Variants in EMCN observed in about 807,000 individuals in gnomAD.
The protein encoded by EMCN is MUC-14.
In EMCN, 37 loss-of-function variants were observed where a neutral mutation model predicts 38.4. The observed-to-expected ratio is 0.96, with a 90% CI of 0.74 to 1.27. The LOEUF (loss-of-function observed/expected upper bound fraction) is 1.27, where lower values mean the gene tolerates loss of function less well. Among genes scored for constraint, EMCN ranks in the 50% most tolerant of loss-of-function variants. The pLI, the probability that EMCN is intolerant of heterozygous loss-of-function variation, is 0.00. For missense variants in EMCN, 318 were observed against 302.8 expected (o/e 1.05, Z -0.37); for synonymous variants, 95 against 100.8 (o/e 0.94, Z 0.35).
chr4:100,430,822 T>A (rs1327422886), intron 5 of EMCN, among the ~76,000 whole-genome samples: 2 of 152,178 alleles, frequency 1.3e-5, no homozygotes, highest in African/African-American at 2.4e-5. Context: ...TATTTCTTAT[T>A]CCATAATTGA....
intron 10 of EMCN, among the ~76,000 whole-genome samples, chr4:100,412,738 C>G (rs1037989005): frequency 6.6e-6 from 1 of 152,158 alleles, no homozygotes; most frequent in Admixed American, 6.6e-5. Context: ...CCCTAGTAAG[C>G]TTTCTCTTTT....
At chr4:100,408,816 A>G (rs1726468158) in intron 11 of EMCN, among the ~76,000 whole-genome samples, 1 of 152,110 alleles carries the variant, frequency 6.6e-6, no homozygotes, top group Admixed American at 6.6e-5. Context: ...TCAGCTGGGG[A>G]AAGGTGGTTG....
intron 2 of EMCN, among the ~76,000 whole-genome samples, chr4:100,477,406 G>T (rs1359747418): frequency 2.0e-5 from 3 of 152,196 alleles, no homozygotes; most frequent in African/African-American, 7.2e-5. Context: ...CATCTAGGAA[G>T]AGGTCAAGTC....
chr4:100,435,037 A>C (rs1474417322), intron 5 of EMCN, among the ~76,000 whole-genome samples: 1 of 152,176 alleles, frequency 6.6e-6, no homozygotes, highest in African/African-American at 2.4e-5. Flanking sequence ...GCAATTAGGC[A>C]AGAGAAAGAA....
chr4:100,456,493 T>A (rs1210080408), intron 4 of EMCN, among the ~76,000 whole-genome samples: 1 of 152,192 alleles, frequency 6.6e-6, no homozygotes, highest in African/African-American at 2.4e-5. Context: ...AAGATTGGCT[T>A]TAATTATATT....
intron 1 of EMCN, among the ~76,000 whole-genome samples, chr4:100,490,899 A>G (rs1417928477): frequency 6.6e-6 from 1 of 151,980 alleles, no homozygotes; most frequent in Non-Finnish European, 1.5e-5. Context: ...TTTAATTTGC[A>G]TTTTCCCTAA....
At position 100,396,726 on chromosome 4, in the gene EMCN, A is replaced by T. The variant is rs1726131319; in HGVS notation, c.*1687T>A. The T allele has an allele frequency of 6.6e-6, 1 of 151,226 alleles. No individual in the cohort carries two copies. The highest frequency in any genetic ancestry group is 1.5e-5 in the Non-Finnish European group (1 of 67,826). 9.4% of individuals were successfully genotyped at this position (151,226 alleles called of 1,614,324 possible). A position where few individuals can be genotyped will look rare whatever the true frequency, so the allele number is the denominator to read the frequency against. ...CCAGGCTAATTTTTGTATTTTTAGTAGATATGGGGTTTCAACATGTTGGCC... is the reference window on the plus strand; with the variant it reads ...CCAGGCTAATTTTTGTATTTTTAGTTGATATGGGGTTTCAACATGTTGGCC... On this transcript the variant is annotated 3_prime_UTR_variant, in exon 12 of 12. Coordinates refer to ENST00000296420, the MANE Select transcript of EMCN (RefSeq NM_016242.4).
At chr4:100,516,269 G>C (rs911654685) in intron 1 of EMCN, among the ~76,000 whole-genome samples, 1 of 151,970 alleles carries the variant, frequency 6.6e-6, no homozygotes, top group Non-Finnish European at 1.5e-5. Flanking sequence ...CTTTCTTAAG[G>C]CCAGGTATTG....
Position 100,479,900 on chromosome 4 carries a change from CT to C in EMCN, c.187+16del. The C allele has an allele frequency of 1.3e-6, 2 of 1,586,060 alleles. No homozygotes were observed. Among genetic ancestry groups the C allele is most frequent in the Non-Finnish European group, 1.7e-6 (2 of 1,170,254 alleles). On this transcript the variant is annotated intron_variant, in intron 2 of 11. Transcript: ENST00000296420. Reference sequence around the variant, plus strand: ...ATTTGTTAAAGTTAAACTAAATTTACTAACAGTTAATCCTACCTTTAGGAGT... The same window carrying C: ...ATTTGTTAAAGTTAAACTAAATTTACAACAGTTAATCCTACCTTTAGGAGT...
Position 100,423,008 on chromosome 4 carries a change from T to G in EMCN, c.568+13A>C. 2 of 1,612,316 alleles carry G rather than the reference T, an allele frequency of 1.2e-6. No homozygotes were observed. Among genetic ancestry groups the G allele is most frequent in the South Asian group, 1.1e-5 (1 of 91,026 alleles). ...TATCTACTGCCATGAATGAAGGCAT[T>G]GCTGTTACTCACTGGAATAAGACCG... On this transcript the variant is annotated intron_variant, in intron 7 of 11. Transcript: ENST00000296420.
intron 5 of EMCN, among the ~76,000 whole-genome samples, chr4:100,430,301 G>T (rs1190938013): frequency 6.6e-6 from 1 of 152,262 alleles, no homozygotes; most frequent in Non-Finnish European, 1.5e-5. Flanking sequence ...TCTAGAGTCT[G>T]TGGTATCAAC....
intron 4 of EMCN, among the ~76,000 whole-genome samples, chr4:100,452,415 C>T (rs927894857): frequency 7.9e-5 from 12 of 151,976 alleles, no homozygotes; most frequent in Non-Finnish European, 2.9e-5. Context: ...AGAAGAAACT[C>T]TCACTTGGCA....
rs536944061 is a variant in EMCN at position 100,409,236 on chromosome 4, T to TTTA, written c.*39+1045_*39+1046insTAA. Among the ~76,000 whole-genome samples the TTTA allele has an allele frequency of 3.6e-3, 547 of 152,272 alleles. 6 individuals carry two copies. The highest frequency in any genetic ancestry group is 0.012 in the African/African-American group (516 of 41,548). On this transcript the variant is annotated intron_variant, in intron 11 of 11. Transcript: ENST00000296420. ...ACGTATTTATTTTATTTTATTTTAT[T>TTTA]TTTTATTGTTAGTTGCCGAAAGGTA...
intron 2 of EMCN, 21 bp from the exon 3 acceptor site, chr4:100,475,130 A>AAT: frequency 8.0e-7 from 1 of 1,249,722 alleles, no homozygotes; most frequent in Non-Finnish European, 1.1e-6. Context: ...AAAATAGATT[A>AAT]AATTATTATT....
At chr4:100,493,040 T>C (rs913263965) in intron 1 of EMCN, among the ~76,000 whole-genome samples, 1 of 152,184 alleles carries the variant, frequency 6.6e-6, no homozygotes, top group Non-Finnish European at 1.5e-5. Context: ...GGGTTACACT[T>C]GAATTTATCA....
intron 5 of EMCN, among the ~76,000 whole-genome samples, chr4:100,426,656 A>G (rs911676499): frequency 3.3e-5 from 5 of 152,208 alleles, no homozygotes; most frequent in East Asian, 1.9e-4. Flanking sequence ...TTGGGAGTAG[A>G]AATGAAGCCT....
intron 5 of EMCN, among the ~76,000 whole-genome samples, chr4:100,437,824 C>T (rs1727399505): frequency 6.6e-6 from 1 of 151,980 alleles, no homozygotes; most frequent in Non-Finnish European, 1.5e-5. Context: ...AATTTTAACT[C>T]AGGAAATGTG....
At chr4:100,473,386 G>GTTTTTTTTTTTTT (rs58646995) in intron 3 of EMCN, among the ~76,000 whole-genome samples, 1 of 82,454 alleles carries the variant, frequency 1.2e-5, no homozygotes, top group African/African-American at 4.2e-5. Flanking sequence ...TTTTTTTTTT[G>GTTTTTTTTTTTTT]TTTTTTTTTT....
intron 1 of EMCN, among the ~76,000 whole-genome samples, chr4:100,515,309 T>C (rs567587425): frequency 3.2e-4 from 48 of 152,230 alleles, no homozygotes; most frequent in African/African-American, 1.1e-3. Context: ...TAGGGGTCTG[T>C]TCAGTTTTAA....
Sources: gnomAD v4.1 joint callset for allele counts (sites outside exome capture counted in the v4.1 genomes callset) on GRCh38, gnomAD v4.1.1 for gene constraint, MANE v1.5 for transcripts, NCBI Gene and HGNC (gene_info 2026-07-23, HGNC 2026-07-21) for gene names.